Variants in TCF12 observed in about 807,000 individuals in gnomAD.
The protein encoded by TCF12 is DNA-binding protein HTF4.
In TCF12, 45 loss-of-function variants were observed where a neutral mutation model predicts 86.0. The observed-to-expected ratio is 0.52, with a 90% confidence interval of 0.41 to 0.67. TCF12 has a LOEUF of 0.67. TCF12 is among the 30% of genes least tolerant of loss of function. TCF12 has a pLI of 0.00. For missense variants in TCF12, 881 were observed against 859.9 expected (o/e 1.02, Z -0.31); for synonymous variants, 330 against 299.6 (o/e 1.10, Z -1.05).
chr15:56,950,170 A>G (rs1245285209), intron 3 of TCF12, among the ~76,000 whole-genome samples: 1 of 151,708 alleles, frequency 6.6e-6, no homozygotes, highest in East Asian at 1.9e-4. Flanking sequence ...CCACATAACT[A>G]CTGATCTGGT....
At chr15:57,167,306 A>G (rs1485778044) in intron 6 of TCF12, among the ~76,000 whole-genome samples, 1 of 152,196 alleles carries the variant, frequency 6.6e-6, no homozygotes, top group Admixed American at 6.5e-5. Context: ...CACGCCTGTA[A>G]TCCCAATACT....
intron 5 of TCF12, among the ~76,000 whole-genome samples, chr15:57,140,043 T>C (rs897616718): frequency 8.5e-5 from 13 of 152,186 alleles, no homozygotes; most frequent in African/African-American, 2.9e-4. Context: ...CCAGCAGTAT[T>C]ACTTCCAGGT....
chr15:57,035,345 C>G (rs1223567172), intron 3 of TCF12, among the ~76,000 whole-genome samples: 1 of 152,158 alleles, frequency 6.6e-6, no homozygotes, highest in Non-Finnish European at 1.5e-5. Flanking sequence ...CTCACTGCAG[C>G]CTTGAACTCC....
At chr15:57,224,494 C>T (rs2058774118) in intron 8 of TCF12, among the ~76,000 whole-genome samples, 2 of 151,960 alleles carry the variant, frequency 1.3e-5, no homozygotes, top group African/African-American at 2.4e-5. Flanking sequence ...TTTAAATGGG[C>T]TTAGAAGGAA....
intron 6 of TCF12, among the ~76,000 whole-genome samples, chr15:57,169,980 G>A (rs968393551): frequency 6.6e-5 from 10 of 152,078 alleles, no homozygotes; most frequent in African/African-American, 2.2e-4. Context: ...AATGTGTAGC[G>A]CTCTAATAAA....
At chr15:57,155,311 T>C (rs1214854172) in intron 5 of TCF12, among the ~76,000 whole-genome samples, 1 of 152,202 alleles carries the variant, frequency 6.6e-6, no homozygotes, top group Admixed American at 6.5e-5. Flanking sequence ...TGAGTTAATA[T>C]GTAAGATTTT....
chr15:56,981,958 A>G (rs1051570874), intron 3 of TCF12, among the ~76,000 whole-genome samples: 4 of 152,082 alleles, frequency 2.6e-5, no homozygotes, highest in Non-Finnish European at 4.4e-5. Context: ...GGGGAGATAG[A>G]ATGGGAGGCA....
At chr15:56,933,635 G>C (rs1254473516) in intron 3 of TCF12, among the ~76,000 whole-genome samples, 2 of 152,058 alleles carry the variant, frequency 1.3e-5, no homozygotes, top group African/African-American at 4.8e-5. Context: ...ACTGCCTGAG[G>C]GTGTTGTGAT....
chr15:57,091,773 C>G lies in TCF12; in HGVS notation c.223-16C>G, dbSNP rs755565926. The stretch of plus-strand genomic sequence containing the variant: ...CAAATAATCTCTTTAATACTCTGAT[C>G]TTTTTCTCCCCCTAGGGTTTTACAG... On this transcript the variant is annotated splice_polypyrimidine_tract_variant and intron_variant, in intron 4 of 20. Transcript: ENST00000333725. 8.7e-6 allele frequency: 14 copies of G among 1,600,208 alleles called. No homozygotes were observed. The highest frequency in any genetic ancestry group is 1.2e-5 in the Non-Finnish European group (14 of 1,167,936).
intron 3 of TCF12, among the ~76,000 whole-genome samples, chr15:57,044,873 A>G (rs1388307330): frequency 6.6e-6 from 1 of 152,174 alleles, no homozygotes; most frequent in Non-Finnish European, 1.5e-5. Context: ...CCTCTGTTTT[A>G]TTGAGTTTAA....
intron 6 of TCF12, among the ~76,000 whole-genome samples, chr15:57,185,187 A>C (rs1236925358): frequency 6.6e-6 from 1 of 152,246 alleles, no homozygotes; most frequent in Non-Finnish European, 1.5e-5. Flanking sequence ...AGAAAAGTGT[A>C]CATTTTGAGG....
intron 8 of TCF12, among the ~76,000 whole-genome samples, chr15:57,200,427 C>CT (rs1458469652): frequency 2.0e-5 from 3 of 151,894 alleles, no homozygotes; most frequent in African/African-American, 7.3e-5. Context: ...GACATGCAAA[C>CT]TATAAGAAAA....
In TCF12 at chr15:57,223,643, G is replaced by GTTTTTTTTTTTTTTTTTTT. The variant is rs550493641; in HGVS notation, c.580-7499_580-7481dup. ...GTTTTGGCACCTGCCTACCAATGAG[G>GTTTTTTTTTTTTTTTTTTT]TTTTTTTTTTTTTTTTTTTTTTTTT... On this transcript the variant is annotated intron_variant, in intron 8 of 20. Coordinates refer to ENST00000333725, the MANE Select transcript of TCF12 (RefSeq NM_207037.2). Among the ~76,000 whole-genome samples the GTTTTTTTTTTTTTTTTTTT allele has an allele frequency of 1.6e-3, 112 of 69,680 alleles. 26 individuals carry two copies. Among genetic ancestry groups the GTTTTTTTTTTTTTTTTTTT allele is most frequent in the Middle Eastern group, 0.011 (1 of 92 alleles). 45.7% of individuals were successfully genotyped at this position (69,680 alleles called of 152,430 possible).
chr15:56,988,878 A>G (rs1222137235), intron 3 of TCF12, among the ~76,000 whole-genome samples: 1 of 152,168 alleles, frequency 6.6e-6, no homozygotes, highest in Non-Finnish European at 1.5e-5. Flanking sequence ...AATGGTGAAT[A>G]CCACAGTGTT....
intron 5 of TCF12, among the ~76,000 whole-genome samples, chr15:57,154,086 G>A (rs1452132799): frequency 1.3e-5 from 2 of 151,966 alleles, no homozygotes; most frequent in Non-Finnish European, 2.9e-5. Context: ...GTAAGAAAAT[G>A]GCAGACTTAA....
intron 3 of TCF12, among the ~76,000 whole-genome samples, chr15:56,947,053 T>G (rs553062301): frequency 6.6e-6 from 1 of 152,222 alleles, no homozygotes; most frequent in African/African-American, 2.4e-5. Context: ...CTTCCTCGGC[T>G]TCGCAAATTG....
In TCF12 at chr15:57,251,408, C is replaced by T; in HGVS notation, c.1173C>T (p.Asn391=). ...CACCTTCATCCCCAAGCTATGAAAA[C>T]TCACTCCACTCCCTGGTAAGAGCCT... ...GQAPSSPSYE[N]SLHSLKNRVE... The change falls in exon 14 of 21, where the codon AAC becomes AAT. Residue 391 remains asparagine (N), a synonymous_variant. Transcript: ENST00000333725. 1.2e-6 allele frequency: 2 copies of T among 1,613,924 alleles called. No individual in the cohort carries two copies. Among genetic ancestry groups the T allele is most frequent in the East Asian group, 2.2e-5 (1 of 44,834 alleles).
chr15:56,951,829 G>A (rs1448825836), intron 3 of TCF12, among the ~76,000 whole-genome samples: 1 of 152,154 alleles, frequency 6.6e-6, no homozygotes, highest in Non-Finnish European at 1.5e-5. Flanking sequence ...CTTATTTATT[G>A]TAGAGATGGG....
chr15:57,166,265 T>C lies in TCF12; in HGVS notation c.326-137T>C, dbSNP rs115080434. 1.7e-3 allele frequency: 1,149 copies of C among 674,390 alleles called. 17 individuals carry two copies. In the African/African-American group the frequency reaches 0.019, roughly 11 times the overall value. 41.8% of individuals were successfully genotyped at this position (674,390 alleles called of 1,614,324 possible). A position where few individuals can be genotyped will look rare whatever the true frequency, so the allele number is the denominator to read the frequency against. ...AAGTGATAGCAAGTTTTACAAATTA[T>C]TGAATTGTATCCTCTTATTTCTAAT... On this transcript the variant is annotated intron_variant, in intron 5 of 20. Coordinates refer to ENST00000333725, the MANE Select transcript of TCF12 (RefSeq NM_207037.2).
Sources: allele counts gnomAD v4.1 joint callset (sites outside exome capture counted in the v4.1 genomes callset), GRCh38; gene constraint gnomAD v4.1.1; transcripts MANE v1.5; gene names NCBI Gene and HGNC (gene_info 2026-07-23, HGNC 2026-07-21).